APTX: variants seen among roughly 807,000 people sequenced by gnomAD.
The protein encoded by APTX is forkhead-associated domain histidine triad-like protein.
Under a neutral mutation model 42.3 loss-of-function variants are expected in APTX, and 33 were observed. That is an observed-to-expected ratio of 0.78 (90% CI 0.59 to 1.04). The LOEUF (loss-of-function observed/expected upper bound fraction) is 1.04. APTX is among the 50% of genes least tolerant of loss of function. The pLI, the probability that APTX is intolerant of heterozygous loss-of-function variation, is 0.00. For missense variants in APTX, 421 were observed against 415.1 expected, an observed-to-expected ratio of 1.01 and a Z score of -0.12; for synonymous variants, 130 against 146.7, an observed-to-expected ratio of 0.89 and a Z score of 0.82.
chr9:33,024,232 C>T (rs187374376), intron 1 of APTX, among the ~76,000 whole-genome samples: 4 of 152,322 alleles, frequency 2.6e-5, no homozygotes, highest in Admixed American at 1.3e-4. Flanking sequence ...GGGCTGGTAT[C>T]AAACTTCTGA....
intron 1 of APTX, among the ~76,000 whole-genome samples, chr9:33,016,867 C>T (rs999155479): frequency 5.3e-5 from 8 of 152,152 alleles, no homozygotes; most frequent in African/African-American, 7.2e-5. Flanking sequence ...GAACCATCTC[C>T]GCTTTTTCAC....
At chr9:33,002,311 T>A (rs943791668), upstream of APTX, among the ~76,000 whole-genome samples, 1 of 152,234 alleles carries the variant, frequency 6.6e-6, no homozygotes, top group African/African-American at 2.4e-5. Context: ...AAAAATTCTT[T>A]GGTTGAATTA....
chr9:32,998,342 T>G (rs992736012), intron 1 of APTX, among the ~76,000 whole-genome samples: 1 of 152,196 alleles, frequency 6.6e-6, no homozygotes, highest in Non-Finnish European at 1.5e-5. Flanking sequence ...GGTAATATTA[T>G]GTATCTGTAA....
Position 32,984,788 on chromosome 9 carries a change from AG to A in APTX, c.612del (p.Leu205TyrfsTer9). 1.9e-6 allele frequency: 3 copies of A among 1,614,226 alleles called. No individual in the cohort carries two copies. Among genetic ancestry groups the A allele is most frequent in the Non-Finnish European group, 2.5e-6 (3 of 1,180,038 alleles). On this transcript the variant is annotated frameshift_variant, in exon 6 of 8. Transcript: ENST00000379817. LOFTEE classifies it high-confidence loss of function. ...KYPKARYHWL[V>X]LPWTSISSLK... ...AGACTGGAAATGGAGGTCCACGGTA[AG>A]ACCAGCCAATGGTAACGGGCCTTTG...
intron 1 of APTX, among the ~76,000 whole-genome samples, chr9:33,015,567 C>T (rs1837840112): frequency 6.6e-6 from 1 of 152,148 alleles, no homozygotes; most frequent in Non-Finnish European, 1.5e-5. Context: ...CCATGTTGGC[C>T]AGGCTGGCCT....
At chr9:33,017,256 A>T (rs1178571077) in intron 1 of APTX, among the ~76,000 whole-genome samples, 1 of 152,244 alleles carries the variant, frequency 6.6e-6, no homozygotes, top group Non-Finnish European at 1.5e-5. Flanking sequence ...TGTACTTCTG[A>T]TAGACTGGCT....
intron 1 of APTX, among the ~76,000 whole-genome samples, chr9:32,993,668 T>C (rs1834163664): frequency 1.3e-5 from 2 of 152,044 alleles, no homozygotes; most frequent in South Asian, 2.1e-4. Context: ...ATCCCATCCA[T>C]TCTCACATCT....
intron 1 of APTX, among the ~76,000 whole-genome samples, chr9:33,023,411 G>A (rs948643336): frequency 1.3e-5 from 2 of 151,364 alleles, no homozygotes; most frequent in African/African-American, 4.9e-5. Context: ...TTTTAGTAGA[G>A]AAGGGTTTCA....
chr9:32,997,672 G>T (rs1012402955), intron 1 of APTX, among the ~76,000 whole-genome samples: 1 of 152,176 alleles, frequency 6.6e-6, no homozygotes, highest in Non-Finnish European at 1.5e-5. Context: ...CCATGAAGAT[G>T]CCATTCAGTG....
chr9:32,974,144 G>T (rs980650900), intron 7 of APTX, among the ~76,000 whole-genome samples: 2 of 152,142 alleles, frequency 1.3e-5, no homozygotes, highest in Non-Finnish European at 2.9e-5. Context: ...AAGAGACAAA[G>T]AATTGTCCAC....
At chr9:33,022,151 A>T (rs538817317) in intron 1 of APTX, among the ~76,000 whole-genome samples, 14 of 152,246 alleles carry the variant, frequency 9.2e-5, no homozygotes, top group Middle Eastern at 6.8e-3. Flanking sequence ...ATATATATAT[A>T]GATACTAAGT....
At chr9:33,023,276 T>C (rs1198186672) in intron 1 of APTX, among the ~76,000 whole-genome samples, 1 of 151,522 alleles carries the variant, frequency 6.6e-6, no homozygotes, top group East Asian at 1.9e-4. Flanking sequence ...CAGGCTGGAG[T>C]ATAGCGGCAC....
intron 1 of APTX, among the ~76,000 whole-genome samples, chr9:32,997,730 C>A (rs1835291355): frequency 2.0e-5 from 3 of 152,198 alleles, no homozygotes; most frequent in African/African-American, 7.2e-5. Context: ...GAGATACAGG[C>A]AGGGTTCAGA....
chr9:32,988,058 A>G (rs760129710), intron 3 of APTX, 25 bp downstream of exon 3: 1 of 1,611,362 alleles, frequency 6.2e-7, no homozygotes. Context: ...TCGAGTATAA[A>G]ATTCCAAGTT....
chr9:33,009,916 G>C (rs545400252), intron 1 of APTX, among the ~76,000 whole-genome samples: 1 of 152,192 alleles, frequency 6.6e-6, no homozygotes, highest in East Asian at 1.9e-4. Flanking sequence ...CCCTTGTTTG[G>C]TCAGTTTTAC....
chr9:33,013,572 C>G (rs575806632), intron 1 of APTX, among the ~76,000 whole-genome samples: 2 of 152,094 alleles, frequency 1.3e-5, no homozygotes, highest in Non-Finnish European at 2.9e-5. Context: ...TTTGGGAGGC[C>G]AAGGCGGGCA....
chr9:33,017,959 C>T (rs1035572882), intron 1 of APTX, among the ~76,000 whole-genome samples: 1 of 138,712 alleles, frequency 7.2e-6, no homozygotes, highest in Non-Finnish European at 1.5e-5. Context: ...TCGGGCTCTC[C>T]AAAAGTCACT....
rs1224725331 is a variant in APTX, at chr9:32,974,545, C to A, written c.787G>T (p.Val263Leu). 12 of 1,606,468 alleles carry A rather than the reference C, an allele frequency of 7.5e-6. No homozygotes were observed. Among genetic ancestry groups the A allele is most frequent in the African/African-American group, 1.3e-5 (1 of 74,100 alleles). The change falls in exon 7 of 8, where the codon GTG (valine) becomes TTG (leucine). Residue 263 changes from valine to leucine, a missense_variant. Transcript: ENST00000379817. Reference protein sequence around the residue: ...IPSMSHVHLHVISQDFDSPCL... With the variant: ...IPSMSHVHLHLISQDFDSPCL... Reference sequence around the variant, plus strand: ...GGAGAATCAAAATCCTGGCTGATCACATGAAGATGTACATGGCTAGTTGAA... The same window carrying A: ...GGAGAATCAAAATCCTGGCTGATCAAATGAAGATGTACATGGCTAGTTGAA...
chr9:33,021,488 AG>A (rs1249156619), intron 1 of APTX, among the ~76,000 whole-genome samples: 19 of 152,200 alleles, frequency 1.2e-4, no homozygotes, highest in Non-Finnish European at 2.5e-4. Context: ...AGAACAATGA[AG>A]GGAAGTAGTA....
Sources: gnomAD v4.1 joint callset for allele counts (sites outside exome capture counted in the v4.1 genomes callset) on GRCh38, gnomAD v4.1.1 for gene constraint, MANE v1.5 for transcripts, NCBI Gene and HGNC (gene_info 2026-07-23, HGNC 2026-07-21) for gene names.